EDA: variants seen among roughly 807,000 people sequenced by gnomAD.
EDA encodes ectodysplasin-A.
In EDA, 2 loss-of-function variants were observed where a neutral mutation model predicts 23.6. The ratio of observed to expected loss-of-function variants is 0.08; its 90% CI spans 0.03 to 0.27. EDA has a LOEUF of 0.27. Among genes scored for constraint, EDA ranks in the 10% least tolerant of loss-of-function variants. The probability of loss-of-function intolerance (pLI) is 1.00; values close to 1 mark genes in which losing one functional copy is unlikely to be tolerated. For synonymous variants in EDA, 131 were observed against 132.0 expected (o/e 0.99, Z 0.05); for missense variants, 229 against 324.2 (o/e 0.71, Z 2.26).
chrX:69,654,707 A>G (rs1471762300), intron 1 of EDA, among the ~76,000 whole-genome samples: 4 of 106,713 alleles, frequency 3.7e-5, no homozygotes, highest in Non-Finnish European at 7.7e-5. Flanking sequence ...ACAAAAAACC[A>G]AACACTGCAT....
rs373981980 is a variant in EDA, at chrX:69,930,818, G to A, written c.397-26209G>A. 2.6e-4 allele frequency among the ~76,000 whole-genome samples: 29 copies of A among 111,433 alleles called. No homozygotes were observed. In the South Asian group the frequency reaches 4.5e-3, roughly 17 times the overall value. On this transcript the variant is annotated intron_variant, in intron 1 of 7. Coordinates refer to ENST00000374552, the MANE Select transcript of EDA (RefSeq NM_001399.5). ...CTACCAGAACTAGTAAGTGAATACA[G>A]CAAGTTCACAGGATACAGGGTCATT... is the stretch of plus-strand genomic sequence containing the variant.
In EDA at chrX:69,834,122, G is replaced by T. The variant is rs182871340; in HGVS notation, c.397-122905G>T. On this transcript the variant is annotated intron_variant, in intron 1 of 7. Coordinates refer to ENST00000374552, the MANE Select transcript of EDA (RefSeq NM_001399.5). The stretch of plus-strand genomic sequence containing the variant: ...CCAGCTTCATCCATGTCCCTACAAA[G>T]GACATGAACTCATCCAACTATGTGT... 8.2e-4 allele frequency among the ~76,000 whole-genome samples: 90 copies of T among 110,281 alleles called. No homozygotes were observed. In the East Asian group the frequency reaches 0.024, roughly 30 times the overall value.
At chrX:69,771,106 G>A (rs1030583218) in intron 1 of EDA, among the ~76,000 whole-genome samples, 3 of 110,361 alleles carry the variant, frequency 2.7e-5, no homozygotes, top group Non-Finnish European at 5.7e-5. Flanking sequence ...GGCCAGGCTG[G>A]AGTGCAGCAG....
chrX:69,971,722 A>T (rs865844396), intron 2 of EDA, among the ~76,000 whole-genome samples: 2 of 110,053 alleles, frequency 1.8e-5, no homozygotes, highest in African/African-American at 3.3e-5. Flanking sequence ...GGCCTTTTTC[A>T]TGTGCTTCTC....
At chrX:69,882,593 A>G (rs1257391508) in intron 1 of EDA, among the ~76,000 whole-genome samples, 2 of 112,146 alleles carry the variant, frequency 1.8e-5, no homozygotes, top group South Asian at 7.4e-4. Flanking sequence ...GTACATAGAA[A>G]CAGCCCCTGT....
chrX:69,772,056 G>A (rs747029124), intron 1 of EDA, among the ~76,000 whole-genome samples: 2 of 111,803 alleles, frequency 1.8e-5, no homozygotes, highest in Admixed American at 9.5e-5. Context: ...GAGCTCAAGC[G>A]ATCCTCCTGC....
chrX:69,830,789 G>A (rs779734210), intron 1 of EDA, among the ~76,000 whole-genome samples: 9 of 111,828 alleles, frequency 8.0e-5, no homozygotes, highest in Non-Finnish European at 1.7e-4. Context: ...ATGCCAGCCT[G>A]TGATAAGATA....
chrX:69,744,952 GTC>G (rs2147378896), intron 1 of EDA, among the ~76,000 whole-genome samples: 1 of 111,763 alleles, frequency 8.9e-6, no homozygotes, highest in South Asian at 3.8e-4. Flanking sequence ...TCTGCCTGAA[GTC>G]ACGTCCAGGT....
intron 1 of EDA, among the ~76,000 whole-genome samples, chrX:69,939,822 T>TTATTCAA (rs2018731199): frequency 8.9e-6 from 1 of 112,177 alleles, no homozygotes; most frequent in African/African-American, 3.2e-5. Context: ...TCAAACTCTT[T>TTATTCAA]TTTCAGCATC....
chrX:69,874,044 C>A (rs766599167), intron 1 of EDA, among the ~76,000 whole-genome samples: 3 of 112,296 alleles, frequency 2.7e-5, no homozygotes, highest in Non-Finnish European at 5.6e-5. Flanking sequence ...GGCACGGTAG[C>A]TCACGCCTGT....
chrX:69,778,534 G>A (rs146840389), intron 1 of EDA, among the ~76,000 whole-genome samples: 3,487 of 111,645 alleles, frequency 0.031, 58 homozygotes, highest in Non-Finnish European at 0.05. Flanking sequence ...TTCTTGAAGC[G>A]TTTGCTAAAT....
intron 1 of EDA, among the ~76,000 whole-genome samples, chrX:69,702,517 A>T (rs1036602750): frequency 4.5e-5 from 5 of 110,348 alleles, no homozygotes; most frequent in Non-Finnish European, 7.6e-5. Context: ...GTGGCTGGGA[A>T]GATGGCAGCT....
chrX:69,753,624 G>A (rs1262679779), intron 1 of EDA, among the ~76,000 whole-genome samples: 1 of 111,385 alleles, frequency 9.0e-6, no homozygotes, highest in Admixed American at 9.5e-5. Context: ...TCAATTCCTG[G>A]ATATCCTTGT....
chrX:69,682,137 G>A (rs1404454923), intron 1 of EDA, among the ~76,000 whole-genome samples: 1 of 112,317 alleles, frequency 8.9e-6, no homozygotes, highest in Non-Finnish European at 1.9e-5. Flanking sequence ...CTGCTCAGGG[G>A]TCAGGGGTCA....
chrX:69,734,982 A>G (rs2147364263), intron 1 of EDA, among the ~76,000 whole-genome samples: 1 of 111,354 alleles, frequency 9.0e-6, no homozygotes, highest in South Asian at 3.8e-4. Flanking sequence ...AAAAATTTAA[A>G]AATAGAGCTA....
chrX:69,923,536 C>A (rs1256443399), intron 1 of EDA, among the ~76,000 whole-genome samples: 1 of 111,867 alleles, frequency 8.9e-6, no homozygotes, highest in Non-Finnish European at 1.9e-5. Flanking sequence ...TCCACTCTAT[C>A]ATTGATAGGC....
In EDA at chrX:70,035,786, GAAT is replaced by G. The variant is rs2020259797; in HGVS notation, c.*178_*180del. On this transcript the variant is annotated 3_prime_UTR_variant, in exon 8 of 8. Transcript: ENST00000374552. ...GTGACAAGGCCTGCTTGACTTTCCA[GAAT>G]GACCTTGAGTTAACAGGACAGTTGA... 1.8e-6 allele frequency: 1 copy of G among 549,946 alleles called. No individual in the cohort carries two copies. Among genetic ancestry groups the G allele is most frequent in the African/African-American group, 2.4e-5 (1 of 42,194 alleles). The allele number at this position is 549,946 out of a possible 1,213,427, so 45.3% of individuals were successfully genotyped here. A position where few individuals can be genotyped will look rare whatever the true frequency, so the allele number is the denominator to read the frequency against.
At chrX:69,797,697 C>T (rs999869122) in intron 1 of EDA, among the ~76,000 whole-genome samples, 1 of 111,240 alleles carries the variant, frequency 9.0e-6, no homozygotes, top group South Asian at 3.7e-4. Context: ...ACAGCTCAAA[C>T]GGTACCACTA....
Position 69,996,585 on chromosome X carries a change from T to A in EDA, c.503-26633T>A, listed in dbSNP as rs183168645. Among the ~76,000 whole-genome samples, 6 of 112,336 alleles carry A rather than the reference T, an allele frequency of 5.3e-5. No individual in the cohort carries two copies. In the East Asian group the frequency reaches 1.7e-3, roughly 31 times the overall value. The stretch of plus-strand genomic sequence containing the variant: ...CAATAATTCTGTAAATATTGATTGA[T>A]GGCAGTAAATACTGAAATTAAATTT... On this transcript the variant is annotated intron_variant, in intron 2 of 7. Transcript: ENST00000374552.
Sources: allele counts gnomAD v4.1 joint callset (sites outside exome capture counted in the v4.1 genomes callset), GRCh38; gene constraint gnomAD v4.1.1; transcripts MANE v1.5; gene names NCBI Gene and HGNC (gene_info 2026-07-23, HGNC 2026-07-21).